Variants in C20orf202 observed in about 807,000 individuals in gnomAD.
C20orf202 encodes uncharacterized protein C20orf202.
In C20orf202, 5 loss-of-function variants were observed where a neutral mutation model predicts 5.3. The observed-to-expected ratio is 0.94, with a 90% CI of 0.49 to 1.98. C20orf202 has a LOEUF of 1.98. C20orf202 is among the 30% of genes most tolerant of loss of function. The probability of loss-of-function intolerance (pLI) is 0.01; values close to 1 mark genes in which losing one functional copy is unlikely to be tolerated. For missense variants in C20orf202, 135 were observed against 123.5 expected (o/e 1.09, Z -0.44); for synonymous variants, 48 against 50.0 (o/e 0.96, Z 0.16).
At position 1,208,755 on chromosome 20, in the gene C20orf202, AT is replaced by A. The variant is rs1033884213; in HGVS notation, c.*1654del. 6.6e-6 allele frequency among the ~76,000 whole-genome samples: 1 copy of A among 152,146 alleles called. No homozygotes were observed. The highest frequency in any genetic ancestry group is 1.5e-5 in the Non-Finnish European group (1 of 68,028). ...GGGCCCCTTCCAGGAGCTCAGAGAC[AT>A]CAGCTTCAGATGCCAGTCCCTCCTC... On this transcript the variant is annotated 3_prime_UTR_variant, in exon 2 of 2. Coordinates refer to ENST00000400633, the MANE Select transcript of C20orf202 (RefSeq NM_001394958.1).
intron 1 of C20orf202, among the ~76,000 whole-genome samples, chr20:1,205,247 A>G (rs1013047291): frequency 8.6e-5 from 13 of 151,942 alleles, no homozygotes; most frequent in African/African-American, 2.2e-4. Context: ...CTGGGATTAC[A>G]GGCGCATGCC....
In C20orf202 at chr20:1,207,260, G is replaced by T; in HGVS notation, c.*158G>T. 1 of 498,830 alleles carries T rather than the reference G, an allele frequency of 2.0e-6. No homozygotes were observed. The highest frequency in any genetic ancestry group is 5.1e-5 in the South Asian group (1 of 19,678). 30.9% of individuals were successfully genotyped at this position (498,830 alleles called of 1,614,324 possible). On this transcript the variant is annotated 3_prime_UTR_variant, in exon 2 of 2. Coordinates refer to ENST00000400633, the MANE Select transcript of C20orf202 (RefSeq NM_001394958.1). Reference sequence around the variant, plus strand: ...TGTGCATCCCTGGATCTGTCACTCAGCTTCTCTGTGTCTCTGGTTCCTTTT... The same window carrying T: ...TGTGCATCCCTGGATCTGTCACTCATCTTCTCTGTGTCTCTGGTTCCTTTT...
Position 1,203,613 on chromosome 20 carries a change from A to G in C20orf202, c.28A>G (p.Ser10Gly). MKIAEEPSP[S>G]LGQTLEWLRK... ...GAAAATAGCAGAAGAGCCCAGCCCG[A>G]GTCTTGGGCAGACCTTGGAGTGGCT... Residue 10 changes from serine to glycine, a missense_variant, in exon 1 of 2, where the codon AGT becomes GGT. By Grantham distance (56) the Ser-to-Gly change is moderately conservative (BLOSUM62 0). Coordinates refer to ENST00000400633, the MANE Select transcript of C20orf202 (RefSeq NM_001394958.1). 6.4e-7 allele frequency: 1 copy of G among 1,551,524 alleles called. No individual in the cohort carries two copies. Among genetic ancestry groups the G allele is most frequent in the South Asian group, 1.2e-5 (1 of 84,026 alleles).
chr20:1,204,919 C>T (rs1006103298), intron 1 of C20orf202, among the ~76,000 whole-genome samples: 2 of 152,160 alleles, frequency 1.3e-5, no homozygotes, highest in Non-Finnish European at 2.9e-5. Flanking sequence ...GTGCTGGGAA[C>T]CCCACTGTGG....
rs1194409860 is a variant in C20orf202, at chr20:1,207,049, G to GGTCT, written c.249_252dup (p.Ala85SerfsTer22). The GGTCT allele has an allele frequency of 2.6e-6, 4 of 1,544,586 alleles. No homozygotes were observed. The highest frequency in any genetic ancestry group is 1.7e-4 in the Middle Eastern group (1 of 5,984). On this transcript the variant is annotated frameshift_variant, in exon 2 of 2. Transcript: ENST00000400633. LOFTEE classifies it high-confidence loss of function. ...GGGCTGCCAGCCGGTTTGCTCAAGG[G>GGTCT]GTCTGGCCCAGCTCCTCCGAGGGGA... is the stretch of plus-strand genomic sequence containing the variant.
At chr20:1,205,106 CTTTT>C (rs55977318) in intron 1 of C20orf202, among the ~76,000 whole-genome samples, 4 of 134,262 alleles carry the variant, frequency 3.0e-5, no homozygotes, top group Non-Finnish European at 4.8e-5. Flanking sequence ...CACGTCTTTC[CTTTT>C]TTTTTTTTTT....
chr20:1,203,680 GC>G (rs1568504542), intron 1 of C20orf202, 29 bp downstream of exon 1: 3 of 1,525,724 alleles, frequency 2.0e-6, no homozygotes, highest in South Asian at 1.3e-5. Flanking sequence ...TTTCCTTGAT[GC>G]CCCGACTACA....
In C20orf202 at chr20:1,207,009, G is replaced by A. The variant is rs764590838; in HGVS notation, c.207G>A (p.Ala69=). 130 of 1,550,860 alleles carry A rather than the reference G, an allele frequency of 8.4e-5. No individual in the cohort carries two copies. The highest frequency in any genetic ancestry group is 1.1e-4 in the Non-Finnish European group (124 of 1,146,466). ...GGACATCCCCCATCAGAGCTCGAGCGGGCTCCGAAGGCAGGGGCTGCCAGC... is the reference window on the plus strand; with the variant it reads ...GGACATCCCCCATCAGAGCTCGAGCAGGCTCCGAAGGCAGGGGCTGCCAGC... ...SGGTSPIRAR[A]GSEGRGCQPV... The change falls in exon 2 of 2, where the codon GCG becomes GCA. Residue 69 remains alanine, a synonymous_variant. Transcript: ENST00000400633.
In C20orf202 at chr20:1,207,935, A is replaced by G. The variant is rs1027843665; in HGVS notation, c.*833A>G. 13 of 152,204 alleles carry G rather than the reference A, an allele frequency of 8.5e-5. No homozygotes were observed. Among genetic ancestry groups the G allele is most frequent in the African/African-American group, 3.1e-4 (13 of 41,444 alleles). 9.4% of individuals were successfully genotyped at this position (152,204 alleles called of 1,614,324 possible). On this transcript the variant is annotated 3_prime_UTR_variant, in exon 2 of 2. Transcript: ENST00000400633. ...TGTGAGTTACTCCTGCATTCTTTCCAGGGACCGAAGCCAGTCAATTTCACC... is the reference window on the plus strand; with the variant it reads ...TGTGAGTTACTCCTGCATTCTTTCCGGGGACCGAAGCCAGTCAATTTCACC...
At chr20:1,205,106 CT>C (rs55977318) in intron 1 of C20orf202, among the ~76,000 whole-genome samples, 46,245 of 133,964 alleles carry the variant, frequency 0.35, 7,012 homozygotes, top group Non-Finnish European at 0.37. Flanking sequence ...CACGTCTTTC[CT>C]TTTTTTTTTT....
chr20:1,205,250 C>T (rs6078137), intron 1 of C20orf202, among the ~76,000 whole-genome samples: 18,916 of 151,902 alleles, frequency 0.12, 1,571 homozygotes, highest in Non-Finnish European at 0.18. Context: ...GGATTACAGG[C>T]GCATGCCACC....
intron 1 of C20orf202, among the ~76,000 whole-genome samples, chr20:1,205,385 G>A (rs560109009): frequency 1.3e-5 from 2 of 152,326 alleles, no homozygotes; most frequent in Admixed American, 6.5e-5. Flanking sequence ...TGGGATTACA[G>A]GTGGGAGCCA....
rs1259897278 is a variant in C20orf202, at chr20:1,208,290, G to A, written c.*1188G>A. On this transcript the variant is annotated 3_prime_UTR_variant, in exon 2 of 2. Coordinates refer to ENST00000400633, the MANE Select transcript of C20orf202 (RefSeq NM_001394958.1). ...ATGGTGTTAAGATGGTCTGATGATC[G>A]GTAGCCCTTTTTGTTTTTGAAAATC... 6.6e-6 allele frequency: 1 copy of A among 152,134 alleles called. No homozygotes were observed. The highest frequency in any genetic ancestry group is 1.5e-5 in the Non-Finnish European group (1 of 68,018). The allele number at this position is 152,134 out of a possible 1,614,324, so 9.4% of individuals were successfully genotyped here.
At position 1,207,044 on chromosome 20, in the gene C20orf202, C is replaced by T; in HGVS notation, c.242C>T (p.Ser81Leu). The part of the protein sequence containing the change: ...SEGRGCQPVC[S>L]RGLAQLLRGE... The stretch of plus-strand genomic sequence containing the variant: ...GGCAGGGGCTGCCAGCCGGTTTGCT[C>T]AAGGGGTCTGGCCCAGCTCCTCCGA... The change falls in exon 2 of 2, where the codon TCA (serine) becomes TTA (leucine). Residue 81 changes from serine (S) to leucine (L), a missense_variant. Coordinates refer to ENST00000400633, the MANE Select transcript of C20orf202 (RefSeq NM_001394958.1). 6.5e-7 allele frequency: 1 copy of T among 1,548,140 alleles called. No homozygotes were observed. Among genetic ancestry groups the T allele is most frequent in the Non-Finnish European group, 8.7e-7 (1 of 1,144,608 alleles).
intron 1 of C20orf202, among the ~76,000 whole-genome samples, chr20:1,205,676 C>T (rs531376853): frequency 5.9e-5 from 9 of 152,212 alleles, no homozygotes; most frequent in South Asian, 2.1e-4. Context: ...TGGAGAAGGA[C>T]GCTTGAGTTG....
intron 1 of C20orf202, among the ~76,000 whole-genome samples, chr20:1,205,467 G>A (rs1253926524): frequency 6.6e-6 from 1 of 152,138 alleles, no homozygotes; most frequent in African/African-American, 2.4e-5. Flanking sequence ...TTGAGTAGAG[G>A]ATGCAGACTT....
In C20orf202 at chr20:1,203,619, G is replaced by C; in HGVS notation, c.34G>C (p.Gly12Arg). The change falls in exon 1 of 2, where the codon GGG becomes CGG. Residue 12 changes from glycine to arginine, a missense_variant. By Grantham distance (125) the Gly-to-Arg change is moderately radical (BLOSUM62 -2). Transcript: ENST00000400633. ...AGCAGAAGAGCCCAGCCCGAGTCTTGGGCAGACCTTGGAGTGGCTGAGAAA... is the reference window on the plus strand; with the variant it reads ...AGCAGAAGAGCCCAGCCCGAGTCTTCGGCAGACCTTGGAGTGGCTGAGAAA... ...KIAEEPSPSL[G>R]QTLEWLRKEL... 6.4e-7 allele frequency: 1 copy of C among 1,551,382 alleles called. No individual in the cohort carries two copies. Among genetic ancestry groups the C allele is most frequent in the Non-Finnish European group, 8.7e-7 (1 of 1,146,884 alleles).
chr20:1,203,727 C>T (rs1050043192), intron 1 of C20orf202, 76 bp downstream of exon 1: 24 of 1,459,570 alleles, frequency 1.6e-5, no homozygotes, highest in African/African-American at 8.5e-5. Flanking sequence ...CTTCCCGGGT[C>T]CCCCCTGGGG....
At chr20:1,205,140 C>G (rs1026837809) in intron 1 of C20orf202, among the ~76,000 whole-genome samples, 2 of 147,642 alleles carry the variant, frequency 1.4e-5, no homozygotes, top group Non-Finnish European at 3.0e-5. Context: ...AAGCCTCACT[C>G]TGTCGCCCAG....
Sources: gnomAD v4.1 joint callset for allele counts (sites outside exome capture counted in the v4.1 genomes callset) on GRCh38, gnomAD v4.1.1 for gene constraint, MANE v1.5 for transcripts, NCBI Gene and HGNC (gene_info 2026-07-23, HGNC 2026-07-21) for gene names.